PAPPA2: variants seen among roughly 807,000 people sequenced by gnomAD.
PAPPA2 encodes the protein pappalysin-2.
Under a neutral mutation model 176.4 loss-of-function variants are expected in PAPPA2, and 86 were observed. That is an observed-to-expected ratio of 0.49 (90% confidence interval 0.41 to 0.58). PAPPA2 has a LOEUF of 0.58. Among genes scored for constraint, PAPPA2 ranks in the 20% least tolerant of loss-of-function variants. PAPPA2 has a pLI of 0.00. For synonymous variants in PAPPA2, 809 were observed against 852.2 expected, an observed-to-expected ratio of 0.95 and a Z score of 0.88; for missense variants, 2,073 against 2,256.9, an observed-to-expected ratio of 0.92 and a Z score of 1.65.
At chr1:176,571,241 C>T (rs986275013) in intron 2 of PAPPA2, among the ~76,000 whole-genome samples, 3 of 152,284 alleles carry the variant, frequency 2.0e-5, no homozygotes, top group Admixed American at 1.3e-4. Context: ...GCAAGCCATC[C>T]ATCCCCTCAC....
intron 8 of PAPPA2, among the ~76,000 whole-genome samples, chr1:176,700,702 C>G (rs1001774229): frequency 6.6e-6 from 1 of 152,150 alleles, no homozygotes; most frequent in African/African-American, 2.4e-5. Flanking sequence ...TTCCACTAGC[C>G]AAAGCAAGTC....
intron 3 of PAPPA2, among the ~76,000 whole-genome samples, chr1:176,634,036 G>A (rs1197952131): frequency 2.0e-5 from 3 of 152,168 alleles, no homozygotes; most frequent in South Asian, 4.1e-4. Flanking sequence ...ACAGTGTGGC[G>A]ATTCCTCGGG....
rs573736138 is a variant in PAPPA2, at chr1:176,549,945, A to G, written c.-916-5462A>G. Among the ~76,000 whole-genome samples, 11 of 152,328 alleles carry G rather than the reference A, an allele frequency of 7.2e-5. No individual in the cohort carries two copies. The East Asian group carries it at 1.7e-3, about 24-fold the overall frequency. ...CATACAGTCATGCATCATCACCACA[A>G]CCAAGATAGAGAATAGCTGTGTAAG... is the stretch of plus-strand genomic sequence containing the variant. On this transcript the variant is annotated intron_variant, in intron 1 of 22. Coordinates refer to ENST00000367662, the MANE Select transcript of PAPPA2 (RefSeq NM_020318.3).
chr1:176,544,209 C>A (rs1650505463), intron 1 of PAPPA2, among the ~76,000 whole-genome samples: 1 of 152,176 alleles, frequency 6.6e-6, no homozygotes, highest in East Asian at 1.9e-4. Context: ...TTACCTCACT[C>A]CGGTTGTTTG....
intron 8 of PAPPA2, among the ~76,000 whole-genome samples, chr1:176,701,730 C>A (rs1036984789): frequency 1.3e-5 from 2 of 152,172 alleles, no homozygotes; most frequent in Admixed American, 1.3e-4. Context: ...GTAGTCCCAG[C>A]AACCCTTTGA....
intron 1 of PAPPA2, among the ~76,000 whole-genome samples, chr1:176,529,752 A>C (rs1649701576): frequency 6.6e-6 from 1 of 151,698 alleles, no homozygotes. Context: ...GTTTGGCAGC[A>C]TGGTGATCCA....
chr1:176,635,148 A>T (rs1656623199), intron 3 of PAPPA2, among the ~76,000 whole-genome samples: 1 of 152,200 alleles, frequency 6.6e-6, no homozygotes, highest in Non-Finnish European at 1.5e-5. Context: ...TGCTATAGGC[A>T]GAAGTTTTCA....
At chr1:176,718,769 T>C (rs1247404255) in intron 12 of PAPPA2, among the ~76,000 whole-genome samples, 2 of 151,964 alleles carry the variant, frequency 1.3e-5, no homozygotes, top group East Asian at 3.8e-4. Flanking sequence ...ATTTCAATTC[T>C]TTGAAATTTG....
intron 14 of PAPPA2, among the ~76,000 whole-genome samples, chr1:176,747,646 T>G (rs2102883026): frequency 6.6e-6 from 1 of 152,344 alleles, no homozygotes; most frequent in Admixed American, 6.5e-5. Flanking sequence ...TGTATTAGTT[T>G]TCTAATGTTG....
chr1:176,809,951 A>AGTGTGTGTGTGTGTGTGTGT (rs55858181), intron 21 of PAPPA2, among the ~76,000 whole-genome samples: 2 of 133,706 alleles, frequency 1.5e-5, no homozygotes, highest in Non-Finnish European at 1.6e-5. Flanking sequence ...GACAAGATGC[A>AGTGTGTGTGTGTGTGTGTGT]GTGTGTGTGT....
intron 4 of PAPPA2, among the ~76,000 whole-genome samples, chr1:176,673,450 A>C (rs891035267): frequency 3.0e-4 from 45 of 152,178 alleles, no homozygotes; most frequent in Non-Finnish European, 8.8e-5. Context: ...CACCAAGAAT[A>C]ACCTTTCTGG....
chr1:176,728,188 A>G (rs1370943292), intron 12 of PAPPA2, among the ~76,000 whole-genome samples: 2 of 151,896 alleles, frequency 1.3e-5, no homozygotes, highest in Non-Finnish European at 2.9e-5. Context: ...CATTACTATT[A>G]TTTTACTTTC....
At chr1:176,812,900 C>T (rs1557887260) in intron 21 of PAPPA2, among the ~76,000 whole-genome samples, 1 of 152,018 alleles carries the variant, frequency 6.6e-6, no homozygotes, top group Non-Finnish European at 1.5e-5. Context: ...GTATTAAGCA[C>T]AGTATCCATA....
chr1:176,562,821 A>G (rs552884260), intron 2 of PAPPA2, among the ~76,000 whole-genome samples: 1 of 152,342 alleles, frequency 6.6e-6, no homozygotes, highest in African/African-American at 2.4e-5. Context: ...TATGGCCCTC[A>G]AGAAGAGAGT....
chr1:176,728,017 T>C lies in PAPPA2; in HGVS notation c.3799-11609T>C, dbSNP rs149191396. On this transcript the variant is annotated intron_variant, in intron 12 of 22. Transcript: ENST00000367662. The stretch of plus-strand genomic sequence containing the variant: ...TTAAAAAAAGTACTTACAGGGAAAT[T>C]TATAGCATTTAAAATGCCTATATTT... 7.5e-4 allele frequency among the ~76,000 whole-genome samples: 114 copies of C among 151,996 alleles called. 1 individual carries two copies. In the East Asian group the frequency reaches 0.021, roughly 27 times the overall value.
At chr1:176,808,738 C>T (rs1666016429) in intron 21 of PAPPA2, among the ~76,000 whole-genome samples, 1 of 151,858 alleles carries the variant, frequency 6.6e-6, no homozygotes, top group South Asian at 2.1e-4. Context: ...GGTTAGCTTC[C>T]ACAGGCATTA....
chr1:176,720,988 T>A (rs758002248), intron 12 of PAPPA2, among the ~76,000 whole-genome samples: 3 of 152,194 alleles, frequency 2.0e-5, no homozygotes, highest in Non-Finnish European at 4.4e-5. Flanking sequence ...GTTTGTTCCA[T>A]CTGGGCTCCC....
intron 1 of PAPPA2, among the ~76,000 whole-genome samples, chr1:176,519,468 C>G (rs1475058414): frequency 6.6e-6 from 1 of 152,130 alleles, no homozygotes; most frequent in Admixed American, 6.5e-5. Flanking sequence ...GTATGCTTTT[C>G]CCAGTGTATA....
chr1:176,718,892 T>A (rs1206781924), intron 12 of PAPPA2, among the ~76,000 whole-genome samples: 1 of 152,102 alleles, frequency 6.6e-6, no homozygotes, highest in Non-Finnish European at 1.5e-5. Context: ...ATATTTAAAA[T>A]GTCATGTTTG....
Sources: gnomAD v4.1 joint callset for allele counts (sites outside exome capture counted in the v4.1 genomes callset) on GRCh38, gnomAD v4.1.1 for gene constraint, MANE v1.5 for transcripts, NCBI Gene and HGNC (gene_info 2026-07-23, HGNC 2026-07-21) for gene names.